Variants in ZCWPW2 observed in about 807,000 individuals in gnomAD.
The protein encoded by ZCWPW2 is zinc finger CW-type and PWWP domain containing 2, also known as zinc finger CW-type PWWP domain protein 2.
A neutral mutation model predicts 46.6 loss-of-function variants in ZCWPW2; 45 were observed. The ratio of observed to expected loss-of-function variants is 0.96; its 90% confidence interval spans 0.76 to 1.24. The LOEUF is 1.24. Among genes scored for constraint, ZCWPW2 ranks in the 50% most tolerant of loss-of-function variants. The probability of loss-of-function intolerance (pLI) is 0.00; values close to 1 mark genes in which losing one functional copy is unlikely to be tolerated. For missense variants in ZCWPW2, 429 were observed against 403.9 expected (o/e 1.06, Z -0.53); for synonymous variants, 152 against 137.1 (o/e 1.11, Z -0.76).
At chr3:28,466,587 T>A (rs1344878063) in intron 4 of ZCWPW2, among the ~76,000 whole-genome samples, 1 of 152,020 alleles carries the variant, frequency 6.6e-6, no homozygotes, top group East Asian at 1.9e-4. Flanking sequence ...TCACCTAAGG[T>A]CAGAAGTTCA....
intron 6 of ZCWPW2, chr3:28,511,019 C>G (rs764075848): frequency 2.2e-6 from 1 of 454,952 alleles, no homozygotes; most frequent in Non-Finnish European, 4.4e-6. Context: ...TTTCAGCTAT[C>G]AAGATGAGAG....
chr3:28,350,957 T>C (rs780508807), intron 1 of ZCWPW2, among the ~76,000 whole-genome samples: 1 of 151,828 alleles, frequency 6.6e-6, no homozygotes, highest in Non-Finnish European at 1.5e-5. Flanking sequence ...TTGAAATTTA[T>C]TGGAACTTTG....
rs563888010 is a variant in ZCWPW2 at position 28,511,166 on chromosome 3, C to T, written c.658-2898C>T. On this transcript the variant is annotated intron_variant, in intron 6 of 9. Transcript: ENST00000383768. ...AATCTGGAAGATGAATTGAATTTCA[C>T]GGCAGTAAGGGAACTCAGGAAGTCA... 114 of 420,252 alleles carry T rather than the reference C, an allele frequency of 2.7e-4. 1 individual carries two copies. Among genetic ancestry groups the T allele is most frequent in the South Asian group, 1.7e-3 (101 of 58,264 alleles). The allele number at this position is 420,252 out of a possible 1,614,324, so 26.0% of individuals were successfully genotyped here. A position where few individuals can be genotyped will look rare whatever the true frequency, so the allele number is the denominator to read the frequency against.
At position 28,366,538 on chromosome 3, in the gene ZCWPW2, G is replaced by A. The variant is rs1242215072; in HGVS notation, c.-134+17335G>A. On this transcript the variant is annotated intron_variant, in intron 1 of 9. Coordinates refer to ENST00000383768, the MANE Select transcript of ZCWPW2 (RefSeq NM_001040432.4). ...AGCTTTTTGATGTGCTGCTGGATTC[G>A]GTTTGCCAGTATTTTATTGAGGATT... is the stretch of plus-strand genomic sequence containing the variant. Among the ~76,000 whole-genome samples the A allele has an allele frequency of 2.8e-3, 369 of 134,058 alleles. 1 individual carries two copies. The highest frequency in any genetic ancestry group is 9.2e-3 in the African/African-American group (316 of 34,464). The allele number at this position is 134,058 out of a possible 152,430, so 87.9% of individuals were successfully genotyped here. A position where few individuals can be genotyped will look rare whatever the true frequency, so the allele number is the denominator to read the frequency against.
At chr3:28,435,050 C>T (rs902341689) in intron 3 of ZCWPW2, 60 bp from the exon 4 acceptor site, 59 of 1,561,570 alleles carry the variant, frequency 3.8e-5, no homozygotes, top group East Asian at 9.1e-5. Flanking sequence ...GATTGATAGA[C>T]GTGTTGATGT....
chr3:28,428,233 A>G (rs958779699), intron 3 of ZCWPW2: 1 of 152,296 alleles, frequency 6.6e-6, no homozygotes, highest in Non-Finnish European at 1.5e-5. Flanking sequence ...CTGACGCTAC[A>G]ATTGACTTTC....
At chr3:28,352,030 G>T (rs958574168) in intron 1 of ZCWPW2, among the ~76,000 whole-genome samples, 4 of 151,492 alleles carry the variant, frequency 2.6e-5, no homozygotes, top group African/African-American at 9.7e-5. Context: ...CTGGTATTTG[G>T]GCATACACAG....
chr3:28,514,248 G>A, intron 7 of ZCWPW2, 126 bp downstream of exon 7: 1 of 574,706 alleles, frequency 1.7e-6, no homozygotes, highest in Non-Finnish European at 2.6e-6. Context: ...GCATAGTCAG[G>A]GCAATTGCAT....
At chr3:28,515,684 TGTA>T in intron 8 of ZCWPW2, 63 bp downstream of exon 8, 1 of 1,460,778 alleles carries the variant, frequency 6.8e-7, no homozygotes, top group Non-Finnish European at 9.4e-7. Flanking sequence ...AGAATGTAGT[TGTA>T]GTCCTTTGAA....
At chr3:28,349,413 G>C (rs545698133) in intron 1 of ZCWPW2, among the ~76,000 whole-genome samples, 5 of 152,280 alleles carry the variant, frequency 3.3e-5, no homozygotes, top group African/African-American at 4.8e-5. Flanking sequence ...TGTAGCCTCT[G>C]TTTTCTAAAC....
At position 28,348,824 on chromosome 3, in the gene ZCWPW2, G is replaced by A. The variant is rs1297749743; in HGVS notation, c.-513G>A. The A allele has an allele frequency of 2.5e-6, 1 of 407,670 alleles. No homozygotes were observed. The highest frequency in any genetic ancestry group is 1.0e-4 in the South Asian group (1 of 9,988). 25.3% of individuals were successfully genotyped at this position (407,670 alleles called of 1,614,324 possible). ...AGGAGCCCGGGACGTTCTGGAAGGA[G>A]GGACGAGCCGAGGCAGGAGGGGCCG... is the stretch of plus-strand genomic sequence containing the variant. On this transcript the variant is annotated 5_prime_UTR_variant, in exon 1 of 10. Coordinates refer to ENST00000383768, the MANE Select transcript of ZCWPW2 (RefSeq NM_001040432.4).
chr3:28,399,690 C>T (rs991849284), intron 2 of ZCWPW2, among the ~76,000 whole-genome samples: 12 of 152,166 alleles, frequency 7.9e-5, no homozygotes, highest in African/African-American at 2.7e-4. Context: ...ATAATTACTA[C>T]AGCTCAGCTC....
intron 4 of ZCWPW2, among the ~76,000 whole-genome samples, chr3:28,439,683 T>C (rs1031190068): frequency 1.3e-5 from 2 of 152,166 alleles, no homozygotes; most frequent in Non-Finnish European, 2.9e-5. Flanking sequence ...TAATCGGAAA[T>C]TCACCAGTGC....
chr3:28,433,767 A>C (rs529421396), intron 3 of ZCWPW2, among the ~76,000 whole-genome samples: 4 of 95,940 alleles, frequency 4.2e-5, no homozygotes, highest in East Asian at 2.1e-4. Context: ...AAAAAAAAAA[A>C]AACAAAAAAC....
rs182206885 is a variant in ZCWPW2, at chr3:28,403,902, A to T, written c.-13-9154A>T. On this transcript the variant is annotated intron_variant, in intron 2 of 9. Coordinates refer to ENST00000383768, the MANE Select transcript of ZCWPW2 (RefSeq NM_001040432.4). ...TTACACAAAAATCAACTCAAGATGG[A>T]TTAAGGACTTAAATCTAAAACCTGA... 2.2e-4 allele frequency among the ~76,000 whole-genome samples: 33 copies of T among 152,340 alleles called. 2 individuals carry two copies. Among genetic ancestry groups the T allele is most frequent in the South Asian group, 1.2e-3 (6 of 4,832 alleles).
At chr3:28,417,652 A>G (rs1696657641) in intron 3 of ZCWPW2, among the ~76,000 whole-genome samples, 1 of 133,758 alleles carries the variant, frequency 7.5e-6, no homozygotes, top group East Asian at 2.2e-4. Context: ...CAGCACATCA[A>G]AAAGCTTATC....
chr3:28,478,785 AT>A (rs778924387), intron 4 of ZCWPW2, 28 bp from the exon 5 acceptor site: 10 of 1,268,120 alleles, frequency 7.9e-6, no homozygotes, highest in Admixed American at 2.8e-5. Context: ...TTAAAAATGA[AT>A]TTTTTTCTTT....
chr3:28,456,334 T>C (rs1698421729), intron 4 of ZCWPW2, among the ~76,000 whole-genome samples: 1 of 152,232 alleles, frequency 6.6e-6, no homozygotes, highest in Admixed American at 6.5e-5. Context: ...CTTTGTGTCC[T>C]GATACTGTGT....
chr3:28,448,131 C>CA (rs1698068775), intron 4 of ZCWPW2: 1 of 190,554 alleles, frequency 5.2e-6, no homozygotes, highest in African/African-American at 2.3e-5. Context: ...AAAAAAAGAT[C>CA]AAAATTGGAC....
Sources: gnomAD v4.1 joint callset for allele counts (sites outside exome capture counted in the v4.1 genomes callset) on GRCh38, gnomAD v4.1.1 for gene constraint, MANE v1.5 for transcripts, NCBI Gene and HGNC (gene_info 2026-07-23, HGNC 2026-07-21) for gene names.